CPAMD8: variants seen among roughly 807,000 people sequenced by gnomAD.
The protein encoded by CPAMD8 is C3 and PZP like alpha-2-macroglobulin domain containing 8.
CPAMD8 carries 146 observed loss-of-function variants against 224.7 expected under a neutral mutation model. That is an observed-to-expected ratio of 0.65 (90% confidence interval 0.57 to 0.75). The LOEUF (loss-of-function observed/expected upper bound fraction) is 0.75. Ranked by LOEUF, CPAMD8 falls within the 30% of genes least tolerant of loss-of-function variation. CPAMD8 has a pLI of 0.00. For missense variants in CPAMD8, 2,301 were observed against 2,537.5 expected, an observed-to-expected ratio of 0.91 and a Z score of 2.00; for synonymous variants, 966 against 1,044.6, an observed-to-expected ratio of 0.92 and a Z score of 1.45.
intron 11 of CPAMD8, among the ~76,000 whole-genome samples, 162 bp downstream of exon 11, chr19:16,996,948 TG>T (rs2056145721): frequency 1.3e-5 from 2 of 151,526 alleles, no homozygotes; most frequent in Non-Finnish European, 2.9e-5. Flanking sequence ...TGGAGGAAAA[TG>T]TCCCCTGCCC....
rs2056350957 is a variant in CPAMD8 at position 17,002,274 on chromosome 19, C to T, written c.750G>A (p.Val250=). The part of the protein sequence containing the change: ...QDLDACETGT[V]RARYTFGKPV... The stretch of plus-strand genomic sequence containing the variant: ...GGGTCCCTCTTTCTCACCTGGCCCG[C>T]ACAGTGCCTGTCTCACAGGCGTCCA... Residue 250 remains valine, a synonymous_variant, in exon 9 of 42, where the codon GTG becomes GTA. Coordinates refer to ENST00000443236, the MANE Select transcript of CPAMD8 (RefSeq NM_015692.5). The T allele has an allele frequency of 6.3e-7, 1 of 1,596,618 alleles. No homozygotes were observed. Among genetic ancestry groups the T allele is most frequent in the African/African-American group, 1.3e-5 (1 of 74,586 alleles).
At chr19:16,998,932 G>T (rs1180500375) in intron 10 of CPAMD8, among the ~76,000 whole-genome samples, 1 of 152,118 alleles carries the variant, frequency 6.6e-6, no homozygotes, top group Non-Finnish European at 1.5e-5. Context: ...CAACCCAAAT[G>T]TCCACCAGCG....
chr19:16,937,203 A>C (rs2053723229), intron 23 of CPAMD8, among the ~76,000 whole-genome samples: 1 of 150,580 alleles, frequency 6.6e-6, no homozygotes, highest in Admixed American at 6.6e-5. Flanking sequence ...GGTACAATAA[A>C]GGCTCACTAC....
At chr19:16,901,405 G>C in intron 35 of CPAMD8, 108 bp from the exon 36 acceptor site, 1 of 768,440 alleles carries the variant, frequency 1.3e-6, no homozygotes, top group Non-Finnish European at 2.2e-6. Flanking sequence ...CAGGAAGCCT[G>C]CCCTGGGGCC....
chr19:16,902,140 C>T (rs1019502720), intron 35 of CPAMD8, among the ~76,000 whole-genome samples: 1 of 152,246 alleles, frequency 6.6e-6, no homozygotes, highest in African/African-American at 2.4e-5. Context: ...ACCAGTGTCC[C>T]AGCCACACAT....
rs879294580 is a variant in CPAMD8, at chr19:16,972,439, A to AT, written c.2071-1407dup. 2.5e-3 allele frequency among the ~76,000 whole-genome samples: 370 copies of AT among 146,984 alleles called. 1 individual carries two copies. The highest frequency in any genetic ancestry group is 0.014 in the Middle Eastern group (4 of 278). On this transcript the variant is annotated intron_variant, in intron 17 of 41. Coordinates refer to ENST00000443236, the MANE Select transcript of CPAMD8 (RefSeq NM_015692.5). ...GGCTGACTTGGATTTGTGAACAAGA[A>AT]TTTTTTTTTTTTAGACGGAGTCTCA... is the stretch of plus-strand genomic sequence containing the variant.
At chr19:16,954,161 C>T (rs372312787) in intron 19 of CPAMD8, among the ~76,000 whole-genome samples, 50 of 151,938 alleles carry the variant, frequency 3.3e-4, no homozygotes, top group Middle Eastern at 3.4e-3. Context: ...GGTGAAACCC[C>T]GTCTCTACTA....
intron 3 of CPAMD8, among the ~76,000 whole-genome samples, chr19:17,017,355 A>G (rs886702581): frequency 5.9e-5 from 9 of 152,302 alleles, no homozygotes; most frequent in Admixed American, 4.6e-4. Flanking sequence ...GAAATAAAGC[A>G]CACAATAAAT....
intron 2 of CPAMD8, among the ~76,000 whole-genome samples, chr19:17,021,473 C>T (rs955164876): frequency 1.3e-5 from 2 of 152,208 alleles, no homozygotes; most frequent in Admixed American, 6.5e-5. Flanking sequence ...ACATCATTCT[C>T]GGCATGAGGA....
In CPAMD8 at chr19:16,929,163, C is replaced by T. The variant is rs756993847; in HGVS notation, c.2923G>A (p.Val975Met). The T allele has an allele frequency of 1.9e-6, 3 of 1,614,114 alleles. No individual in the cohort carries two copies. The highest frequency in any genetic ancestry group is 2.2e-5 in the South Asian group (2 of 91,090). The change falls in exon 24 of 42, where the codon GTG (valine) becomes ATG (methionine). Residue 975 changes from valine to methionine, a missense_variant. This residue lies in a region of CPAMD8 where 1,709 missense variants were observed against 1,753.2 expected (regional missense o/e 0.97). Transcript: ENST00000443236. Reference sequence around the variant, plus strand: ...GCATCATTGTGAGCTCGCACAGCCACATCAAAGCGGGTGAGGCGCAGTGGC... The same window carrying T: ...GCATCATTGTGAGCTCGCACAGCCATATCAAAGCGGGTGAGGCGCAGTGGC... ...QRPLRLTRFD[V>M]AVRAHNDARV...
intron 17 of CPAMD8, among the ~76,000 whole-genome samples, chr19:16,974,429 A>G (rs183886297): frequency 7.8e-4 from 119 of 151,714 alleles, no homozygotes; most frequent in African/African-American, 2.8e-3. Flanking sequence ...CTTCTGCTTG[A>G]AAGCTGCCAG....
chr19:16,910,247 G>A (rs377649809), intron 29 of CPAMD8, among the ~76,000 whole-genome samples: 5 of 149,112 alleles, frequency 3.4e-5, no homozygotes, highest in East Asian at 2.0e-4. Context: ...TCAGCTCACC[G>A]CAATCTCCGC....
chr19:16,919,231 T>C (rs564464681), intron 27 of CPAMD8, among the ~76,000 whole-genome samples: 1 of 151,022 alleles, frequency 6.6e-6, no homozygotes, highest in South Asian at 2.1e-4. Context: ...AGGAATAGAA[T>C]AGAATGAGGC....
chr19:16,937,776 C>A (rs553809616), intron 23 of CPAMD8, among the ~76,000 whole-genome samples: 5 of 152,098 alleles, frequency 3.3e-5, no homozygotes, highest in African/African-American at 1.2e-4. Flanking sequence ...CCTCAGCCTC[C>A]TGAGCAGCTG....
chr19:16,947,632 G>T (rs1208988646), intron 20 of CPAMD8, among the ~76,000 whole-genome samples: 1 of 152,170 alleles, frequency 6.6e-6, no homozygotes, highest in African/African-American at 2.4e-5. Flanking sequence ...CTTTCCAACC[G>T]TGCAGCTCCA....
At chr19:16,912,730 G>A (rs2052775861) in intron 29 of CPAMD8, among the ~76,000 whole-genome samples, 1 of 152,084 alleles carries the variant, frequency 6.6e-6, no homozygotes, top group South Asian at 2.1e-4. Flanking sequence ...CTTGAACCCA[G>A]GAGGCGGAGG....
chr19:16,916,170 C>T (rs1045644336), intron 27 of CPAMD8, among the ~76,000 whole-genome samples: 2 of 152,046 alleles, frequency 1.3e-5, no homozygotes, highest in African/African-American at 4.8e-5. Context: ...CGTGCCACGA[C>T]ATCCAGCGAA....
At chr19:17,010,467 T>C (rs1449382707) in intron 5 of CPAMD8, among the ~76,000 whole-genome samples, 2 of 152,142 alleles carry the variant, frequency 1.3e-5, no homozygotes, top group Non-Finnish European at 1.5e-5. Context: ...CTCGGACTCC[T>C]GGCCACAGCG....
chr19:17,026,600 G>A lies in CPAMD8; in HGVS notation c.43C>T (p.Leu15=). Residue 15 remains leucine (L), a synonymous_variant, in exon 1 of 42, where the codon CTG becomes TTG. Transcript: ENST00000443236. ...LLWPLLPLLL[L]LLSARDGVRA... ...ACGCCGTCCCGCGCCGACAGCAGCA[G>A]GAGCAGGAGCGGGAGCAACGGCCAG... 1 of 1,522,034 alleles carries A rather than the reference G, an allele frequency of 6.6e-7. No homozygotes were observed. Among genetic ancestry groups the A allele is most frequent in the Non-Finnish European group, 8.7e-7 (1 of 1,143,322 alleles). 94.3% of individuals were successfully genotyped at this position (1,522,034 alleles called of 1,614,324 possible).
Sources: allele counts gnomAD v4.1 joint callset (sites outside exome capture counted in the v4.1 genomes callset), GRCh38; gene constraint gnomAD v4.1.1; regional missense constraint gnomAD v4.1.1; transcripts MANE v1.5; gene names NCBI Gene and HGNC (gene_info 2026-07-23, HGNC 2026-07-21).